Variants in SPEF2 observed in about 807,000 individuals in gnomAD.
SPEF2 encodes sperm flagellar and cilia associated 2, also known as sperm flagella and cilia-associated protein 2.
Under a neutral mutation model 224.6 loss-of-function variants are expected in SPEF2, and 187 were observed. The observed-to-expected ratio is 0.83, with a 90% CI of 0.74 to 0.94. SPEF2 has a LOEUF of 0.94. SPEF2 is among the 40% of genes least tolerant of loss of function. The pLI is 0.00. For synonymous variants in SPEF2, 715 were observed against 707.3 expected (o/e 1.01, Z -0.17); for missense variants, 2,170 against 2,135.6 (o/e 1.02, Z -0.32).
At chr5:35,723,822 A>T (rs895164323) in intron 20 of SPEF2, among the ~76,000 whole-genome samples, 1 of 152,232 alleles carries the variant, frequency 6.6e-6, no homozygotes, top group Non-Finnish European at 1.5e-5. Context: ...AGAGGACAGT[A>T]TGTGGCACAA....
intron 6 of SPEF2, among the ~76,000 whole-genome samples, chr5:35,650,636 G>C (rs1037687127): frequency 2.6e-5 from 4 of 152,162 alleles, no homozygotes; most frequent in African/African-American, 9.7e-5. Flanking sequence ...ACACAGTTTA[G>C]CAACCATAGT....
At position 35,793,194 on chromosome 5, in the gene SPEF2, C is replaced by G. The variant is rs1173957322; in HGVS notation, c.4590C>G (p.Ser1530=). ...QELTSLLTVN[S]EFVDWRKFLL... The stretch of plus-strand genomic sequence containing the variant: ...TAACATCTTTATTAACAGTCAACTC[C>G]GAGTTCGTGGACTGGCGGAAGTTCC... Residue 1530 remains serine, a synonymous_variant, in exon 32 of 37, where the codon TCC becomes TCG. Transcript: ENST00000356031. 3 of 1,613,938 alleles carry G rather than the reference C, an allele frequency of 1.9e-6. No individual in the cohort carries two copies. Among genetic ancestry groups the G allele is most frequent in the Non-Finnish European group, 2.5e-6 (3 of 1,180,008 alleles).
At chr5:35,779,786 A>G (rs992951536) in intron 30 of SPEF2, among the ~76,000 whole-genome samples, 1 of 152,228 alleles carries the variant, frequency 6.6e-6, no homozygotes, top group Admixed American at 6.5e-5. Flanking sequence ...TGTAGACCAT[A>G]AGCAGAATCA....
intron 10 of SPEF2, chr5:35,671,211 G>C: frequency 1.0e-6 from 1 of 984,484 alleles, no homozygotes; most frequent in Non-Finnish European, 1.2e-6. Context: ...TGGGACAAAG[G>C]GTGAATAAAA....
chr5:35,632,381 C>A (rs1745261651), intron 2 of SPEF2, among the ~76,000 whole-genome samples: 1 of 152,052 alleles, frequency 6.6e-6, no homozygotes, highest in African/African-American at 2.4e-5. Flanking sequence ...GTGGGAAGGG[C>A]CCCGCATAAA....
intron 16 of SPEF2, chr5:35,702,047 A>G: frequency 2.5e-6 from 1 of 400,702 alleles, no homozygotes; most frequent in Admixed American, 2.8e-5. Flanking sequence ...ATAAGTGTTT[A>G]GAAGCAGCAG....
At chr5:35,736,274 T>A (rs1361066984) in intron 21 of SPEF2, among the ~76,000 whole-genome samples, 1 of 152,090 alleles carries the variant, frequency 6.6e-6, no homozygotes, top group East Asian at 1.9e-4. Context: ...TGGAGCCAAA[T>A]CAGAAATATA....
chr5:35,789,783 T>C, intron 30 of SPEF2: 1 of 702,170 alleles, frequency 1.4e-6, no homozygotes, highest in South Asian at 1.5e-5. Flanking sequence ...GTGACTATTT[T>C]TGGCATCTTG....
chr5:35,758,319 G>T (rs2149741947), intron 24 of SPEF2, among the ~76,000 whole-genome samples: 1 of 152,200 alleles, frequency 6.6e-6, no homozygotes, highest in Admixed American at 6.5e-5. Context: ...GATTTAAGTA[G>T]CCCAGGTGAC....
At chr5:35,782,168 G>A (rs1754439855) in intron 30 of SPEF2, among the ~76,000 whole-genome samples, 1 of 152,146 alleles carries the variant, frequency 6.6e-6, no homozygotes, top group African/African-American at 2.4e-5. Flanking sequence ...CCAAGAAATG[G>A]AAAACAATCC....
chr5:35,808,711 C>T (rs946859865), intron 36 of SPEF2, among the ~76,000 whole-genome samples: 1 of 145,648 alleles, frequency 6.9e-6, no homozygotes, highest in African/African-American at 2.5e-5. Context: ...TATATATACA[C>T]ACACATATAT....
chr5:35,751,094 C>CATATATAT (rs1442886154), intron 23 of SPEF2, among the ~76,000 whole-genome samples: 5 of 20,878 alleles, frequency 2.4e-4, no homozygotes, highest in African/African-American at 5.5e-4. Flanking sequence ...CACACACACA[C>CATATATAT]ACATATATAT....
Position 35,667,279 on chromosome 5 carries a change from T to A in SPEF2, c.1355+20T>A, listed in dbSNP as rs1750611987. ...AAATAAGTAAGTATTTTTTTTGTAA[T>A]AACAGTAGAGACACGATAGAGAATG... On this transcript the variant is annotated intron_variant, in intron 9 of 36. Coordinates refer to ENST00000356031, the MANE Select transcript of SPEF2 (RefSeq NM_024867.4). The A allele has an allele frequency of 6.3e-7, 1 of 1,576,564 alleles. No individual in the cohort carries two copies. Among genetic ancestry groups the A allele is most frequent in the Non-Finnish European group, 8.7e-7 (1 of 1,154,502 alleles).
chr5:35,736,247 A>G (rs889171526), intron 21 of SPEF2, among the ~76,000 whole-genome samples: 1 of 152,194 alleles, frequency 6.6e-6, no homozygotes, highest in African/African-American at 2.4e-5. Context: ...TTTTAAGATT[A>G]AGAAAAAGAA....
intron 30 of SPEF2, chr5:35,790,892 A>C (rs1187139645): frequency 6.6e-6 from 1 of 152,250 alleles, no homozygotes; most frequent in East Asian, 1.9e-4. Context: ...TAAGTAACAA[A>C]GGCAAATATT....
At chr5:35,807,981 T>G in intron 36 of SPEF2, 3 of 1,342,596 alleles carry the variant, frequency 2.2e-6, no homozygotes, top group Non-Finnish European at 2.9e-6. Context: ...TCCTGTGAGT[T>G]GTGTATTGAA....
chr5:35,792,049 C>A (rs1756037044), intron 30 of SPEF2, among the ~76,000 whole-genome samples: 1 of 151,902 alleles, frequency 6.6e-6, no homozygotes, highest in Non-Finnish European at 1.5e-5. Flanking sequence ...AGTGAAAAGT[C>A]AAAGAAGACT....
At chr5:35,731,149 G>A (rs1385926829) in intron 21 of SPEF2, among the ~76,000 whole-genome samples, 1 of 152,242 alleles carries the variant, frequency 6.6e-6, no homozygotes, top group African/African-American at 2.4e-5. Flanking sequence ...TGGAAACCCA[G>A]CTTGGGTAAC....
At chr5:35,734,631 C>A (rs1746224718) in intron 21 of SPEF2, among the ~76,000 whole-genome samples, 1 of 151,624 alleles carries the variant, frequency 6.6e-6, no homozygotes, top group South Asian at 2.1e-4. Flanking sequence ...AATGAAGAGG[C>A]CTTTCCTGAC....
Sources: gnomAD v4.1 joint callset for allele counts (sites outside exome capture counted in the v4.1 genomes callset) on GRCh38, gnomAD v4.1.1 for gene constraint, MANE v1.5 for transcripts, NCBI Gene and HGNC (gene_info 2026-07-23, HGNC 2026-07-21) for gene names.